TCF12: variants seen among roughly 807,000 people sequenced by gnomAD.
TCF12 encodes transcription factor 12.
In TCF12, 45 loss-of-function variants were observed where a neutral mutation model predicts 86.0. That is an observed-to-expected ratio of 0.52 (90% CI 0.41 to 0.67). The LOEUF is 0.67. TCF12 is among the 30% of genes least tolerant of loss of function. The pLI is 0.00. For missense variants in TCF12, 881 were observed against 859.9 expected (o/e 1.02, Z -0.31); for synonymous variants, 330 against 299.6 (o/e 1.10, Z -1.05).
rs751753855 is a variant in TCF12, at chr15:57,252,486, C to T, written c.1254C>T (p.Val418=). 26 of 1,613,498 alleles carry T rather than the reference C, an allele frequency of 1.6e-5. No homozygotes were observed. Among genetic ancestry groups the T allele is most frequent in the Non-Finnish European group, 1.9e-5 (23 of 1,179,578 alleles). ...ATGCAATGTCCTTCTTAAAGGATGTCTGTGAGGTACTATTTCTTTTAGATG... is the reference window on the plus strand; with the variant it reads ...ATGCAATGTCCTTCTTAAAGGATGTTTGTGAGGTACTATTTCTTTTAGATG... ...LQDAMSFLKD[V]CEQSRMEDRL... is the part of the protein sequence containing the mutation. Residue 418 remains valine, a synonymous_variant, in exon 15 of 21, where the codon GTC becomes GTT. Coordinates refer to ENST00000333725, the MANE Select transcript of TCF12 (RefSeq NM_207037.2).
intron 5 of TCF12, among the ~76,000 whole-genome samples, chr15:57,106,541 A>G (rs2050144744): frequency 6.6e-6 from 1 of 152,234 alleles, no homozygotes; most frequent in Non-Finnish European, 1.5e-5. Context: ...GAAGAGGAAA[A>G]GAAACTTCAC....
At chr15:56,983,919 T>C (rs80341339) in intron 3 of TCF12, among the ~76,000 whole-genome samples, 1 of 145,924 alleles carries the variant, frequency 6.9e-6, no homozygotes, top group African/African-American at 2.5e-5. Context: ...AGAGGATCAC[T>C]TGAGCCCAGG....
chr15:57,004,103 G>C (rs2064206860), intron 3 of TCF12, among the ~76,000 whole-genome samples: 1 of 151,896 alleles, frequency 6.6e-6, no homozygotes, highest in Non-Finnish European at 1.5e-5. Context: ...TTTAAGTTAT[G>C]ATAAACTTTT....
At chr15:57,001,706 AT>A (rs1170092127) in intron 3 of TCF12, among the ~76,000 whole-genome samples, 1 of 152,088 alleles carries the variant, frequency 6.6e-6, no homozygotes, top group African/African-American at 2.4e-5. Context: ...TGAAACATTA[AT>A]TTTTTTGTCA....
chr15:56,922,801 A>G (rs2059848398), intron 3 of TCF12, among the ~76,000 whole-genome samples: 1 of 151,968 alleles, frequency 6.6e-6, no homozygotes, highest in Non-Finnish European at 1.5e-5. Context: ...GGAAGAGAAA[A>G]TGCCATGTGA....
rs1438965402 is a variant in TCF12, at chr15:57,288,858, T to A, written c.*2713T>A. 6.6e-6 allele frequency: 1 copy of A among 152,214 alleles called. No individual in the cohort carries two copies. The highest frequency in any genetic ancestry group is 6.5e-5 in the Admixed American group (1 of 15,276). 9.4% of individuals were successfully genotyped at this position (152,214 alleles called of 1,614,324 possible). On this transcript the variant is annotated 3_prime_UTR_variant, in exon 21 of 21. Transcript: ENST00000333725. Reference sequence around the variant, plus strand: ...AGATGGAAAAAGACTCAAAAGAGGCTTTTTAAGTTATTCTTCAAAGCACTT... The same window carrying A: ...AGATGGAAAAAGACTCAAAAGAGGCATTTTAAGTTATTCTTCAAAGCACTT...
chr15:56,984,547 A>T (rs553004658), intron 3 of TCF12, among the ~76,000 whole-genome samples: 77 of 152,296 alleles, frequency 5.1e-4, no homozygotes, highest in African/African-American at 1.9e-3. Flanking sequence ...TGTGTACCGT[A>T]CAAAATAATG....
rs553227390 is a variant in TCF12 at position 57,077,451 on chromosome 15, A to T, written c.222+13628A>T. ...GTGCAGTGACATGATCTCTGTTAGT[A>T]TTTTTAGATAGTTTTTAGTGAACAA... is the stretch of plus-strand genomic sequence containing the variant. On this transcript the variant is annotated intron_variant, in intron 4 of 20. Transcript: ENST00000333725. 9.4e-4 allele frequency among the ~76,000 whole-genome samples: 131 copies of T among 139,762 alleles called. 3 individuals are homozygous for T. In the South Asian group the frequency reaches 0.029, roughly 31 times the overall value. 91.7% of individuals were successfully genotyped at this position (139,762 alleles called of 152,430 possible).
intron 5 of TCF12, among the ~76,000 whole-genome samples, chr15:57,114,858 T>C (rs1216348805): frequency 6.6e-6 from 1 of 152,172 alleles, no homozygotes; most frequent in Non-Finnish European, 1.5e-5. Context: ...TTAAGAAATA[T>C]ATATTGAATA....
intron 3 of TCF12, among the ~76,000 whole-genome samples, chr15:57,028,062 C>A (rs1172126777): frequency 6.6e-6 from 1 of 151,868 alleles, no homozygotes; most frequent in Non-Finnish European, 1.5e-5. Flanking sequence ...CTCCTGGGTT[C>A]AAGTTATTCT....
chr15:57,255,617 G>A (rs2060311332), intron 16 of TCF12, among the ~76,000 whole-genome samples: 4 of 152,000 alleles, frequency 2.6e-5, no homozygotes, highest in Non-Finnish European at 4.4e-5. Context: ...CCGAATAGCT[G>A]GGATTATAGG....
At chr15:57,029,610 A>G (rs2066024885) in intron 3 of TCF12, among the ~76,000 whole-genome samples, 1 of 152,200 alleles carries the variant, frequency 6.6e-6, no homozygotes, top group Non-Finnish European at 1.5e-5. Context: ...ATGGAGTAAA[A>G]TGGACTTTTT....
intron 4 of TCF12, among the ~76,000 whole-genome samples, chr15:57,078,115 T>G (rs1469940683): frequency 2.0e-5 from 3 of 152,312 alleles, no homozygotes; most frequent in East Asian, 3.9e-4. Flanking sequence ...ACACTTTATT[T>G]TCCAGTTATC....
At chr15:57,117,611 T>TA (rs2050934558) in intron 5 of TCF12, among the ~76,000 whole-genome samples, 1 of 152,200 alleles carries the variant, frequency 6.6e-6, no homozygotes, top group Non-Finnish European at 1.5e-5. Flanking sequence ...TAATTATACT[T>TA]ACATTGTAAT....
intron 5 of TCF12, 89 bp downstream of exon 5, chr15:57,091,980 G>A (rs2049021492): frequency 9.6e-7 from 1 of 1,046,904 alleles, no homozygotes; most frequent in African/African-American, 1.6e-5. Context: ...GGACAGGTAA[G>A]TATCTAGAAG....
chr15:56,924,389 G>A (rs1329840516), intron 3 of TCF12, among the ~76,000 whole-genome samples: 3 of 152,102 alleles, frequency 2.0e-5, no homozygotes, highest in African/African-American at 2.4e-5. Flanking sequence ...TCTGTTAAAC[G>A]TGGAGTAAGC....
At chr15:57,149,827 C>T (rs150081585) in intron 5 of TCF12, among the ~76,000 whole-genome samples, 23 of 152,158 alleles carry the variant, frequency 1.5e-4, no homozygotes, top group Admixed American at 3.3e-4. Flanking sequence ...TTGTTATGTT[C>T]TATCTTTTTC....
intron 5 of TCF12, among the ~76,000 whole-genome samples, chr15:57,163,852 G>T (rs749181643): frequency 1.3e-5 from 2 of 152,166 alleles, no homozygotes; most frequent in African/African-American, 4.8e-5. Flanking sequence ...AGATGGCAGA[G>T]ACTGAAGGGA....
chr15:57,182,025 A>G (rs927304995), intron 6 of TCF12, among the ~76,000 whole-genome samples: 2 of 152,232 alleles, frequency 1.3e-5, no homozygotes, highest in African/African-American at 2.4e-5. Flanking sequence ...AATTCATACT[A>G]TGTAATTTCA....
Sources: gnomAD v4.1 joint callset for allele counts (sites outside exome capture counted in the v4.1 genomes callset) on GRCh38, gnomAD v4.1.1 for gene constraint, MANE v1.5 for transcripts, NCBI Gene and HGNC (gene_info 2026-07-23, HGNC 2026-07-21) for gene names.